PPM1H: variants seen among roughly 807,000 people sequenced by gnomAD.
PPM1H encodes the protein protein phosphatase 1H.
In PPM1H, 27 loss-of-function variants were observed where a neutral mutation model predicts 54.9. The observed-to-expected ratio is 0.49, with a 90% CI of 0.36 to 0.68. The LOEUF (loss-of-function observed/expected upper bound fraction) is 0.68. Ranked by LOEUF, PPM1H falls within the 30% of genes least tolerant of loss-of-function variation. The pLI, the probability that PPM1H is intolerant of heterozygous loss-of-function variation, is 0.00. For missense variants in PPM1H, 596 were observed against 667.8 expected (o/e 0.89, Z 1.19); for synonymous variants, 305 against 270.8 (o/e 1.13, Z -1.24).
Position 62,934,671 on chromosome 12 carries a change from G to T in PPM1H, c.66C>A (p.Gly22=). ...FMGGIMAGSS[G]SEHGGGSCGG... ...CGCAGCTGCCGCCGCCGTGCTCGGA[G>T]CCTGAGCTGCCAGCCATGATGCCGC... The change falls in exon 1 of 10, where the codon GGC becomes GGA. Residue 22 remains glycine (G), a synonymous_variant. Transcript: ENST00000228705. The surrounding 1 kb of genome is among the most constrained non-coding windows in gnomAD (Gnocchi z 4.2). 6.2e-7 allele frequency: 1 copy of T among 1,605,312 alleles called. No homozygotes were observed. Among genetic ancestry groups the T allele is most frequent in the African/African-American group, 1.3e-5 (1 of 74,858 alleles).
At chr12:62,845,143 G>A (rs1868914062) in intron 1 of PPM1H, among the ~76,000 whole-genome samples, 1 of 152,242 alleles carries the variant, frequency 6.6e-6, no homozygotes, top group Non-Finnish European at 1.5e-5. Context: ...CTACTGCAAA[G>A]GAGGGAAATT....
Position 62,934,572 on chromosome 12 carries a change from C to T in PPM1H, c.165G>A (p.Glu55=), listed in dbSNP as rs1394765679. 2.6e-6 allele frequency: 4 copies of T among 1,558,748 alleles called. No homozygotes were observed. The South Asian group carries it at 3.5e-5, about 14-fold the overall frequency. ...GGCGGGCGATGTGGTCGGCGCTGCACTCCACCTCGTCCTGAGACAGCCCCA... is the reference window on the plus strand; with the variant it reads ...GGCGGGCGATGTGGTCGGCGCTGCATTCCACCTCGTCCTGAGACAGCCCCA... ...EFLGLSQDEV[E]CSADHIARPI... The change falls in exon 1 of 10, where the codon GAG becomes GAA. Residue 55 remains glutamate, a synonymous_variant. Coordinates refer to ENST00000228705, the MANE Select transcript of PPM1H (RefSeq NM_020700.2). This position sits in a 1 kb window ranked among gnomAD's most constrained non-coding sequence, Gnocchi z 4.2.
intron 3 of PPM1H, among the ~76,000 whole-genome samples, chr12:62,794,755 GAGA>G (rs2076722314): frequency 6.6e-6 from 1 of 152,134 alleles, no homozygotes. Context: ...TGGGAGGGTG[GAGA>G]AGTAGGGAGG....
At position 62,644,136 on chromosome 12, in the gene PPM1H, G is replaced by A. The variant is rs2075772880; in HGVS notation, c.*4353C>T. 6.6e-6 allele frequency: 1 copy of A among 152,056 alleles called. No individual in the cohort carries two copies. The highest frequency in any genetic ancestry group is 1.5e-5 in the Non-Finnish European group (1 of 68,020). The allele number at this position is 152,056 out of a possible 1,614,324, so 9.4% of individuals were successfully genotyped here. On this transcript the variant is annotated 3_prime_UTR_variant, in exon 10 of 10. Coordinates refer to ENST00000228705, the MANE Select transcript of PPM1H (RefSeq NM_020700.2). ...TTTACTAAACAGTTTTCATTTTGGG[G>A]TTACAAAAAAGTCAATGTTTCACAA...
chr12:62,732,039 T>C (rs770031406), intron 5 of PPM1H, among the ~76,000 whole-genome samples: 23 of 152,162 alleles, frequency 1.5e-4, no homozygotes, highest in Non-Finnish European at 2.5e-4. Flanking sequence ...CCCTTAAATA[T>C]TTTATTTCAA....
chr12:62,765,309 C>T (rs904212383), intron 4 of PPM1H, among the ~76,000 whole-genome samples: 11 of 152,166 alleles, frequency 7.2e-5, no homozygotes, highest in South Asian at 6.2e-4. Context: ...GCCATGTTTG[C>T]TAAATGCCTC....
intron 1 of PPM1H, among the ~76,000 whole-genome samples, chr12:62,835,633 A>G (rs747444425): frequency 1.3e-5 from 2 of 152,170 alleles, no homozygotes; most frequent in Non-Finnish European, 2.9e-5. Flanking sequence ...GGTCCCACCT[A>G]TGTAAGCCTG....
At chr12:62,727,909 C>T (rs2076298806) in intron 5 of PPM1H, among the ~76,000 whole-genome samples, 1 of 151,936 alleles carries the variant, frequency 6.6e-6, no homozygotes, top group Non-Finnish European at 1.5e-5. Flanking sequence ...GATCCATTCC[C>T]CTCAGCCTCC....
chr12:62,686,146 T>C lies in PPM1H; in HGVS notation c.1245+3553A>G, dbSNP rs566799118. 3.3e-5 allele frequency among the ~76,000 whole-genome samples: 5 copies of C among 152,350 alleles called. No homozygotes were observed. The South Asian group carries it at 1.0e-3, about 32-fold the overall frequency. On this transcript the variant is annotated intron_variant, in intron 8 of 9. Coordinates refer to ENST00000228705, the MANE Select transcript of PPM1H (RefSeq NM_020700.2). Reference sequence around the variant, plus strand: ...GACATAAGGTTTCTCACCAACCACCTGGGATTCTTACCGAGTTCTCAGGGA... The same window carrying C: ...GACATAAGGTTTCTCACCAACCACCCGGGATTCTTACCGAGTTCTCAGGGA...
intron 1 of PPM1H, among the ~76,000 whole-genome samples, chr12:62,892,297 A>G (rs552043152): frequency 2.7e-4 from 41 of 152,346 alleles, no homozygotes; most frequent in African/African-American, 9.6e-4. Context: ...TGAATTGGAC[A>G]TACCAGCCTC....
In PPM1H at chr12:62,737,486, C is replaced by T. The variant is rs374281303; in HGVS notation, c.954+16G>A. On this transcript the variant is annotated intron_variant, in intron 5 of 9. Transcript: ENST00000228705. ...CCTGATGCCACTGCCCTCTGCCAAG[C>T]CTAGATGACTCTTACCAGGTACTGA... 8.5e-6 allele frequency: 13 copies of T among 1,521,736 alleles called. No homozygotes were observed. Among genetic ancestry groups the T allele is most frequent in the Admixed American group, 1.9e-5 (1 of 51,304 alleles). 94.3% of individuals were successfully genotyped at this position (1,521,736 alleles called of 1,614,324 possible).
intron 4 of PPM1H, among the ~76,000 whole-genome samples, chr12:62,769,023 TAC>T (rs1170984049): frequency 1.3e-5 from 2 of 152,238 alleles, no homozygotes; most frequent in Non-Finnish European, 2.9e-5. Flanking sequence ...ACACACATTA[TAC>T]ACAGATATGT....
chr12:62,681,363 C>A (rs1401073573), intron 8 of PPM1H, among the ~76,000 whole-genome samples: 1 of 152,136 alleles, frequency 6.6e-6, no homozygotes, highest in Non-Finnish European at 1.5e-5. Context: ...TCCACGGTCC[C>A]TTCCCCAGTT....
intron 6 of PPM1H, among the ~76,000 whole-genome samples, chr12:62,711,118 G>C (rs1475807540): frequency 6.6e-6 from 1 of 152,080 alleles, no homozygotes. Flanking sequence ...CAGGCTCCCA[G>C]GTAGCTGGGA....
intron 5 of PPM1H, among the ~76,000 whole-genome samples, chr12:62,730,233 T>C (rs2076313883): frequency 6.6e-6 from 1 of 152,194 alleles, no homozygotes; most frequent in Non-Finnish European, 1.5e-5. Flanking sequence ...GCCTGTTTGG[T>C]GGTCTCTTCA....
intron 8 of PPM1H, among the ~76,000 whole-genome samples, chr12:62,687,306 C>T (rs1172785556): frequency 1.3e-5 from 2 of 152,174 alleles, no homozygotes; most frequent in African/African-American, 4.8e-5. Flanking sequence ...CTCACTCTGC[C>T]ACCCAGGCTG....
intron 2 of PPM1H, among the ~76,000 whole-genome samples, chr12:62,811,342 T>C (rs1360979446): frequency 1.3e-5 from 2 of 152,144 alleles, no homozygotes; most frequent in Non-Finnish European, 2.9e-5. Flanking sequence ...CTAGAAGTAA[T>C]GGTAATTACT....
chr12:62,667,036 T>G (rs2136612131), intron 9 of PPM1H, 142 bp downstream of exon 9: 1 of 925,914 alleles, frequency 1.1e-6, no homozygotes. Flanking sequence ...ACAAGAAAGG[T>G]AATCCCTTCT....
At chr12:62,707,460 G>A (rs547461649) in intron 6 of PPM1H, among the ~76,000 whole-genome samples, 1 of 152,182 alleles carries the variant, frequency 6.6e-6, no homozygotes, top group African/African-American at 2.4e-5. Flanking sequence ...AGCCCAGGCT[G>A]CCCAGCGCTC....
Sources: allele counts gnomAD v4.1 joint callset (sites outside exome capture counted in the v4.1 genomes callset), GRCh38; gene constraint gnomAD v4.1.1; non-coding constraint Gnocchi (gnomAD v3.1); transcripts MANE v1.5; gene names NCBI Gene and HGNC (gene_info 2026-07-23, HGNC 2026-07-21).